Variants in MIR17HG observed in about 807,000 individuals in gnomAD.
MIR17HG encodes the protein MIR17 host gene (non-protein coding).
intron 1 of MIR17HG, among the ~76,000 whole-genome samples, chr13:91,348,600 C>T (rs971477680): frequency 6.6e-6 from 1 of 151,024 alleles, no homozygotes; most frequent in Non-Finnish European, 1.5e-5. Flanking sequence ...TCCGCGTGGG[C>T]TTTGTTAGCC....
chr13:91,349,094 T>G (rs1483383757), intron 1 of MIR17HG, among the ~76,000 whole-genome samples: 2 of 151,750 alleles, frequency 1.3e-5, no homozygotes, highest in African/African-American at 4.8e-5. Flanking sequence ...ACGCGGAGAA[T>G]CGCAGGGCCG....
rs554016147 is a variant in MIR17HG at position 91,351,543 on chromosome 13, C to T, written n.284+1317C>T. On this transcript the variant is annotated intron_variant and non_coding_transcript_variant, in intron 3 of 3. Transcript: ENST00000400282. Reference sequence around the variant, plus strand: ...CTTGTTTTCATTCAAAAACATTTCACTTTTGGGGTTGCGTGTCAGATTTGG... The same window carrying T: ...CTTGTTTTCATTCAAAAACATTTCATTTTTGGGGTTGCGTGTCAGATTTGG... The T allele has an allele frequency of 8.7e-5, 30 of 343,130 alleles. 1 individual carries two copies. The highest frequency in any genetic ancestry group is 6.7e-4 in the South Asian group (28 of 41,700). The allele number at this position is 343,130 out of a possible 1,614,324, so 21.3% of individuals were successfully genotyped here.
chr13:91,352,757 G>T (rs1875381947), intron 3 of MIR17HG, among the ~76,000 whole-genome samples: 1 of 152,160 alleles, frequency 6.6e-6, no homozygotes, highest in Non-Finnish European at 1.5e-5. Context: ...AATTGAAGGA[G>T]ACCTAATAAT....
chr13:91,353,513 T>C lies in MIR17HG; in HGVS notation n.285-420T>C, dbSNP rs574243550. On this transcript the variant is annotated intron_variant and non_coding_transcript_variant, in intron 3 of 3. Transcript: ENST00000400282. ...GTGAGGCAAATTTTACATTCTTGGT[T>C]CTATTAAGATTTTCTTAGGCATGCT... 1.9e-4 allele frequency among the ~76,000 whole-genome samples: 29 copies of C among 152,360 alleles called. 1 individual carries two copies. Among genetic ancestry groups the C allele is most frequent in the African/African-American group, 7.0e-4 (29 of 41,590 alleles).
intron 3 of MIR17HG, chr13:91,351,551 GT>G: frequency 3.0e-6 from 1 of 334,892 alleles, no homozygotes; most frequent in East Asian, 7.6e-5. Context: ...CACTTTTGGG[GT>G]TGCGTGTCAG....
At chr13:91,349,911 A>G (rs1379434675) in intron 2 of MIR17HG, 7 of 152,252 alleles carry the variant, frequency 4.6e-5, no homozygotes, top group African/African-American at 1.7e-4. Flanking sequence ...TGAAAAACTA[A>G]CTCATTAAGT....
At chr13:91,351,015 T>C (rs368394395) in intron 3 of MIR17HG, 8 of 528,864 alleles carry the variant, frequency 1.5e-5, no homozygotes, top group African/African-American at 5.8e-5. Flanking sequence ...TTGTGTACTT[T>C]TATTGTGTCG....
chr13:91,348,518 T>TC, intron 1 of MIR17HG, among the ~76,000 whole-genome samples: 2 of 151,118 alleles, frequency 1.3e-5, no homozygotes, highest in South Asian at 4.2e-4. Context: ...AGCCCGCGGT[T>TC]CCCCAAACTT....
chr13:91,351,156 C>T (rs374824450), intron 3 of MIR17HG: 16 of 525,402 alleles, frequency 3.0e-5, no homozygotes, highest in Non-Finnish European at 4.0e-5. Context: ...ACTCCAGCTT[C>T]GGCCTGTCGC....
chr13:91,349,037 G>A (rs1281174153), intron 1 of MIR17HG, among the ~76,000 whole-genome samples: 2 of 151,528 alleles, frequency 1.3e-5, no homozygotes, highest in East Asian at 3.9e-4. Flanking sequence ...TGGGGGGGTT[G>A]CCGCGTCCGG....
chr13:91,351,178 G>A, intron 3 of MIR17HG: 1 of 526,704 alleles, frequency 1.9e-6, no homozygotes, highest in Non-Finnish European at 3.9e-6. Context: ...CAATCAAACT[G>A]TCCTGTTACT....
At chr13:91,352,577 A>G (rs1237323622) in intron 3 of MIR17HG, among the ~76,000 whole-genome samples, 6 of 152,182 alleles carry the variant, frequency 3.9e-5, no homozygotes, top group African/African-American at 9.7e-5. Context: ...TTTCACCTCT[A>G]ATGTGTTCTT....
At chr13:91,347,849 GC>G (rs1875037973) in exon 1 of MIR17HG, 1 of 149,880 alleles carries the variant, frequency 6.7e-6, no homozygotes, top group Non-Finnish European at 1.5e-5. Context: ...GGGCCGGCCG[GC>G]CGCACCCCCG....
chr13:91,351,519 T>G (rs185444885), intron 3 of MIR17HG: 1 of 367,836 alleles, frequency 2.7e-6, no homozygotes, highest in African/African-American at 2.1e-5. Context: ...ACATCTTGTC[T>G]TGTTTTCATT....
chr13:91,348,557 C>A (rs1875088441), intron 1 of MIR17HG, among the ~76,000 whole-genome samples: 1 of 151,242 alleles, frequency 6.6e-6, no homozygotes, highest in Admixed American at 6.6e-5. Flanking sequence ...CGGAGGGGCG[C>A]CGAGATCGGC....
intron 3 of MIR17HG, chr13:91,353,817 T>C (rs1214859296): frequency 6.6e-6 from 1 of 152,248 alleles, no homozygotes; most frequent in South Asian, 2.1e-4. Context: ...TGTACAACTT[T>C]CTATTTTTAG....
chr13:91,353,568 T>C (rs1055687043), intron 3 of MIR17HG, among the ~76,000 whole-genome samples: 12 of 152,214 alleles, frequency 7.9e-5, no homozygotes, highest in Non-Finnish European at 1.6e-4. Flanking sequence ...ATGTAAGTAT[T>C]GTATAAAAAG....
intron 1 of MIR17HG, among the ~76,000 whole-genome samples, chr13:91,348,800 C>A (rs143640687): frequency 0.021 from 3,185 of 149,798 alleles, 117 homozygotes; most frequent in African/African-American, 0.072. Flanking sequence ...GCGGGCTGCA[C>A]GGGGGTGAGG....
At chr13:91,351,702 A>G (rs1407957377) in intron 3 of MIR17HG, 1 of 218,228 alleles carries the variant, frequency 4.6e-6, no homozygotes, top group East Asian at 8.9e-5. Context: ...CTTTGGAGTT[A>G]GTGTTATTCC....
Sources: gnomAD v4.1 joint callset for allele counts (sites outside exome capture counted in the v4.1 genomes callset) on GRCh38, gnomAD v4.1.1 for gene constraint, MANE v1.5 for transcripts, NCBI Gene and HGNC (gene_info 2026-07-23, HGNC 2026-07-21) for gene names.